Variants in FAM187B observed in about 807,000 individuals in gnomAD.
FAM187B encodes family with sequence similarity 187 member B.
In FAM187B, 22 loss-of-function variants were observed where a neutral mutation model predicts 22.6. The ratio of observed to expected loss-of-function variants is 0.97; its 90% CI spans 0.70 to 1.39. FAM187B has a LOEUF of 1.39. Among genes scored for constraint, FAM187B ranks in the 40% most tolerant of loss-of-function variants. FAM187B has a pLI of 0.00. For synonymous variants in FAM187B, 192 were observed against 201.8 expected, an observed-to-expected ratio of 0.95 and a Z score of 0.41; for missense variants, 433 against 462.1, an observed-to-expected ratio of 0.94 and a Z score of 0.58.
chr19:35,228,712 C>G lies in FAM187B; in HGVS notation c.-32G>C, dbSNP rs1198610094. On this transcript the variant is annotated 5_prime_UTR_variant, in exon 1 of 2. Coordinates refer to ENST00000324675, the MANE Select transcript of FAM187B (RefSeq NM_152481.2). ...CTGGGGCTGTGGCAGTGGGCTGGTG[C>G]CACCCCGAACATTGTGAGGTCACCC... The G allele has an allele frequency of 3.8e-6, 6 of 1,568,940 alleles. No homozygotes were observed. Among genetic ancestry groups the G allele is most frequent in the Non-Finnish European group, 5.2e-6 (6 of 1,161,584 alleles).
chr19:35,228,547 T>C lies in FAM187B; in HGVS notation c.134A>G (p.Asn45Ser). 1 of 1,613,918 alleles carries C rather than the reference T, an allele frequency of 6.2e-7. No individual in the cohort carries two copies. Among genetic ancestry groups the C allele is most frequent in the Non-Finnish European group, 8.5e-7 (1 of 1,179,984 alleles). Residue 45 changes from asparagine (N) to serine (S), a missense_variant, in exon 1 of 2, where the codon AAC becomes AGC. Coordinates refer to ENST00000324675, the MANE Select transcript of FAM187B (RefSeq NM_152481.2). ...ATAGTACCAGTGCGCCCCCGAGGAG[T>C]TGCAATACAGGAGAATATCATTGCC... ...LSGNDILLYC[N>S]SSGAHWYYLF...
rs922628652 is a variant in FAM187B at position 35,226,372 on chromosome 19, A to G, written c.723-1160T>C. Among the ~76,000 whole-genome samples, 10 of 152,132 alleles carry G rather than the reference A, an allele frequency of 6.6e-5. No individual in the cohort carries two copies. The East Asian group carries it at 1.9e-3, about 29-fold the overall frequency. On this transcript the variant is annotated intron_variant, in intron 1 of 1. Coordinates refer to ENST00000324675, the MANE Select transcript of FAM187B (RefSeq NM_152481.2). ...CAGCTACTGTGGAGGCTGAGATGGG[A>G]GAATCACCTGAGCCCGGGGAATTGA...
chr19:35,228,674 G>A lies in FAM187B; in HGVS notation c.7C>T (p.Pro3Ser), dbSNP rs34873156. 0.34 allele frequency: 542,475 copies of A among 1,605,128 alleles called. 98,373 individuals carry two copies. Among genetic ancestry groups the A allele is most frequent in the Non-Finnish European group, 0.38 (445,242 of 1,176,338 alleles). The part of the protein sequence containing the change: MP[P>S]MLWLLLHFAA... ...AAGTGGAGCAGCAGCCACAGCATGGGTGGCATGGTGGACTGGGGCTGTGGC... is the reference window on the plus strand; with the variant it reads ...AAGTGGAGCAGCAGCCACAGCATGGATGGCATGGTGGACTGGGGCTGTGGC... Residue 3 changes from proline to serine, a missense_variant, in exon 1 of 2, where the codon CCC becomes TCC. Coordinates refer to ENST00000324675, the MANE Select transcript of FAM187B (RefSeq NM_152481.2).
intron 1 of FAM187B, among the ~76,000 whole-genome samples, chr19:35,227,454 A>T (rs1158879628): frequency 6.6e-6 from 1 of 152,164 alleles, no homozygotes; most frequent in Non-Finnish European, 1.5e-5. Flanking sequence ...TCCTGACCTC[A>T]GGTGATCCAC....
Position 35,228,382 on chromosome 19 carries a change from C to A in FAM187B, c.299G>T (p.Gly100Val), listed in dbSNP as rs2065668687. ...TGLYHCWNKN[G>V]RQVVQYEIDF... ...AATTTCATACTGCACCACTTGGCGG[C>A]CATTCTTGTTCCAGCAGTGGTAGAG... The change falls in exon 1 of 2, where the codon GGC becomes GTC. Residue 100 changes from glycine to valine, a missense_variant. Gly to Val is a moderately radical substitution (Grantham distance 109). Coordinates refer to ENST00000324675, the MANE Select transcript of FAM187B (RefSeq NM_152481.2). The A allele has an allele frequency of 6.2e-7, 1 of 1,614,184 alleles. No individual in the cohort carries two copies.
chr19:35,227,558 G>A (rs545404866), intron 1 of FAM187B, among the ~76,000 whole-genome samples: 33 of 152,312 alleles, frequency 2.2e-4, no homozygotes, highest in East Asian at 1.4e-3. Flanking sequence ...TGGGGGAGAG[G>A]AGGGGAAGGG....
chr19:35,227,929 G>C (rs773273234), intron 1 of FAM187B, 30 bp downstream of exon 1: 1 of 1,576,084 alleles, frequency 6.3e-7, no homozygotes, highest in South Asian at 1.2e-5. Flanking sequence ...GAAGAATCTG[G>C]GTAGGGGCCA....
rs1427228853 is a variant in FAM187B at position 35,224,890 on chromosome 19, C to A, written c.1045G>T (p.Ala349Ser). 6.2e-7 allele frequency: 1 copy of A among 1,613,862 alleles called. No homozygotes were observed. The highest frequency in any genetic ancestry group is 1.7e-5 in the Admixed American group (1 of 59,998). The change falls in exon 2 of 2, where the codon GCG becomes TCG. Residue 349 changes from alanine (A) to serine (S), a missense_variant. By Grantham distance (99) the Ala-to-Ser change is moderately conservative. Coordinates refer to ENST00000324675, the MANE Select transcript of FAM187B (RefSeq NM_152481.2). ...GAAGGGTGGATGCACTTGAGCAGCG[C>A]CCCCAGCAGGGCCAGGACGGTGACC... The part of the protein sequence containing the change: ...LVVTVLALLG[A>S]LLKCIHPSPG...
Position 35,228,015 on chromosome 19 carries a change from C to A in FAM187B, c.666G>T (p.Arg222Ser), listed in dbSNP as rs771706315. The change falls in exon 1 of 2, where the codon AGG (arginine) becomes AGT (serine). Residue 222 changes from arginine (R) to serine (S), a missense_variant. Transcript: ENST00000324675. ...ACACAAATTCTGTCTTCTCATCGAG[C>A]CTGAAGTTGTCAAAAATGACGTAAT... ...RVDYVIFDNF[R>S]LDEKTEFVWL... The A allele has an allele frequency of 1.1e-5, 17 of 1,614,026 alleles. No individual in the cohort carries two copies. The highest frequency in any genetic ancestry group is 3.3e-5 in the South Asian group (3 of 91,090).
rs1374770861 is a variant in FAM187B, at chr19:35,224,816, G to C, written c.*9C>G. 6.3e-7 allele frequency: 1 copy of C among 1,596,972 alleles called. No individual in the cohort carries two copies. The highest frequency in any genetic ancestry group is 8.5e-7 in the Non-Finnish European group (1 of 1,170,316). On this transcript the variant is annotated 3_prime_UTR_variant, in exon 2 of 2. Coordinates refer to ENST00000324675, the MANE Select transcript of FAM187B (RefSeq NM_152481.2). ...GAGGCCGGGTCCGCTTGTGCACCGG[G>C]GGCTCGCTTTATTTCACCACCAGCA... is the stretch of plus-strand genomic sequence containing the variant.
At position 35,228,210 on chromosome 19, in the gene FAM187B, C is replaced by G. The variant is rs763521332; in HGVS notation, c.471G>C (p.Pro157=). 19 of 1,614,154 alleles carry G rather than the reference C, an allele frequency of 1.2e-5. No individual in the cohort carries two copies. In the South Asian group the frequency reaches 2.1e-4, roughly 18 times the overall value. The change falls in exon 1 of 2, where the codon CCG becomes CCC. Residue 157 remains proline (P), a synonymous_variant. Transcript: ENST00000324675. ...PWQDCNRCEE[P]GECKRLGYRY... ...GGTACCCCAGGCGTTTACACTCGCC[C>G]GGCTCCTCACAGCGGTTGCAGTCCT...
Position 35,224,837 on chromosome 19 carries a change from C to T in FAM187B, c.1098G>A (p.Leu366=). The T allele has an allele frequency of 6.2e-7, 1 of 1,608,956 alleles. No individual in the cohort carries two copies. The highest frequency in any genetic ancestry group is 1.3e-5 in the African/African-American group (1 of 74,906). The stretch of plus-strand genomic sequence containing the variant: ...CCGGGGGCTCGCTTTATTTCACCAC[C>T]AGCACCTGTGTGCTTCTCCTGCCCG... ...PSPGRRSTQV[L]VVK The change falls in exon 2 of 2, where the codon CTG becomes CTA. Residue 366 remains leucine (L), a synonymous_variant. Transcript: ENST00000324675.
chr19:35,224,937 C>T lies in FAM187B; in HGVS notation c.998G>A (p.Gly333Glu), dbSNP rs1443648017. The T allele has an allele frequency of 1.2e-6, 2 of 1,613,846 alleles. No individual in the cohort carries two copies. Among genetic ancestry groups the T allele is most frequent in the South Asian group, 2.2e-5 (2 of 91,082 alleles). The change falls in exon 2 of 2, where the codon GGG (glycine) becomes GAG (glutamate). Residue 333 changes from glycine (G) to glutamate (E), a missense_variant. Coordinates refer to ENST00000324675, the MANE Select transcript of FAM187B (RefSeq NM_152481.2). ...LRGRADSVLK[G>E]LKLVLLVVTV... ...GACCACGAGCAGCACCAGCTTCAGC[C>T]CCTTGAGCACGGAGTCCGCCCTGCC...
In FAM187B at chr19:35,225,170, C is replaced by G; in HGVS notation, c.765G>C (p.Glu255Asp). The change falls in exon 2 of 2, where the codon GAG (glutamate) becomes GAC (aspartate). Residue 255 changes from glutamate (E) to aspartate (D), a missense_variant. Coordinates refer to ENST00000324675, the MANE Select transcript of FAM187B (RefSeq NM_152481.2). The part of the protein sequence containing the change: ...WRANDTPLTW[E>D]SQLSGQDFTT... ...TGAAGTCCTGGCCGGAGAGCTGGCT[C>G]TCCCACGTCAGGGGGGTGTCGTTGG... The G allele has an allele frequency of 1.3e-6, 2 of 1,542,652 alleles. No individual in the cohort carries two copies. Among genetic ancestry groups the G allele is most frequent in the South Asian group, 1.3e-5 (1 of 79,198 alleles).
chr19:35,228,540 C>A lies in FAM187B; in HGVS notation c.141G>T (p.Ser47=). The A allele has an allele frequency of 6.2e-7, 1 of 1,614,194 alleles. No homozygotes were observed. The highest frequency in any genetic ancestry group is 8.5e-7 in the Non-Finnish European group (1 of 1,180,054). The change falls in exon 1 of 2, where the codon TCG becomes TCT. Residue 47 remains serine, a synonymous_variant. Transcript: ENST00000324675. The part of the protein sequence containing the change: ...GNDILLYCNS[S]GAHWYYLFTQ... ...TGAATAAATAGTACCAGTGCGCCCC[C>A]GAGGAGTTGCAATACAGGAGAATAT... is the stretch of plus-strand genomic sequence containing the variant.
chr19:35,228,084 T>C lies in FAM187B; in HGVS notation c.597A>G (p.Glu199=). 1 of 1,614,246 alleles carries C rather than the reference T, an allele frequency of 6.2e-7. No homozygotes were observed. Among genetic ancestry groups the C allele is most frequent in the Non-Finnish European group, 8.5e-7 (1 of 1,180,036 alleles). Residue 199 remains glutamate, a synonymous_variant, in exon 1 of 2, where the codon GAA becomes GAG. Coordinates refer to ENST00000324675, the MANE Select transcript of FAM187B (RefSeq NM_152481.2). ...TATTGGTGCACTGGACGTGGCAGGC[T>C]TCCACCTGCAGCTCAGGCCGCAAGC... ...SSRLRPELQV[E]ACHVQCTNNT...
At position 35,228,356 on chromosome 19, in the gene FAM187B, C is replaced by A. The variant is rs750136410; in HGVS notation, c.325G>T (p.Asp109Tyr). The change falls in exon 1 of 2, where the codon GAC (aspartate) becomes TAC (tyrosine). Residue 109 changes from aspartate to tyrosine, a missense_variant. By Grantham distance (160) the Asp-to-Tyr change is radical. Transcript: ENST00000324675. ...TGCAGGGTGGTGACATCCTGAAAGT[C>A]AATTTCATACTGCACCACTTGGCGG... ...NGRQVVQYEI[D>Y]FQDVTTLHIT... The A allele has an allele frequency of 3.2e-5, 51 of 1,613,634 alleles. No individual in the cohort carries two copies. Among genetic ancestry groups the A allele is most frequent in the Non-Finnish European group, 4.3e-5 (51 of 1,180,040 alleles).
At chr19:35,227,539 C>G (rs2065665184) in intron 1 of FAM187B, among the ~76,000 whole-genome samples, 1 of 149,450 alleles carries the variant, frequency 6.7e-6, no homozygotes, top group Non-Finnish European at 1.5e-5. Context: ...TATTAAGGGG[C>G]AGGTGGACTG....
chr19:35,224,915 C>T lies in FAM187B; in HGVS notation c.1020G>A (p.Val340=). ...CCCCCAGCAGGGCCAGGACGGTGAC[C>T]ACGAGCAGCACCAGCTTCAGCCCCT... is the stretch of plus-strand genomic sequence containing the variant. ...VLKGLKLVLL[V]VTVLALLGAL... The change falls in exon 2 of 2, where the codon GTG becomes GTA. Residue 340 remains valine, a synonymous_variant. Transcript: ENST00000324675. 6.2e-7 allele frequency: 1 copy of T among 1,613,774 alleles called. No homozygotes were observed. The highest frequency in any genetic ancestry group is 8.5e-7 in the Non-Finnish European group (1 of 1,179,964).
Sources: allele counts gnomAD v4.1 joint callset (sites outside exome capture counted in the v4.1 genomes callset), GRCh38; gene constraint gnomAD v4.1.1; transcripts MANE v1.5; gene names NCBI Gene and HGNC (gene_info 2026-07-23, HGNC 2026-07-21).